Variants in FILIP1L observed in about 807,000 individuals in gnomAD.
The protein encoded by FILIP1L is filamin A-interacting protein 1-like.
Under a neutral mutation model 96.6 loss-of-function variants are expected in FILIP1L, and 55 were observed. The observed-to-expected ratio is 0.57, with a 90% CI of 0.46 to 0.71. FILIP1L has a LOEUF of 0.71. Among genes scored for constraint, FILIP1L ranks in the 30% least tolerant of loss-of-function variants. The pLI, the probability that FILIP1L is intolerant of heterozygous loss-of-function variation, is 0.00. For synonymous variants in FILIP1L, 467 were observed against 473.9 expected (o/e 0.99, Z 0.19); for missense variants, 1,304 against 1,321.2 (o/e 0.99, Z 0.20).
intron 1 of FILIP1L, among the ~76,000 whole-genome samples, chr3:100,036,085 C>T (rs977498628): frequency 1.3e-5 from 2 of 152,160 alleles, no homozygotes; most frequent in African/African-American, 4.8e-5. Context: ...CTATACATTG[C>T]ATAAACTTAA....
chr3:99,862,402 C>A (rs1391517718), intron 4 of FILIP1L, among the ~76,000 whole-genome samples: 1 of 152,154 alleles, frequency 6.6e-6, no homozygotes, highest in Non-Finnish European at 1.5e-5. Context: ...TTATTGCGAT[C>A]TATTTTAAGG....
At chr3:99,985,196 G>T (rs888113754) in intron 1 of FILIP1L, among the ~76,000 whole-genome samples, 2 of 152,148 alleles carry the variant, frequency 1.3e-5, no homozygotes, top group African/African-American at 2.4e-5. Flanking sequence ...TGTTTTAAAA[G>T]GTTGAGAAAA....
intron 1 of FILIP1L, among the ~76,000 whole-genome samples, chr3:100,108,043 A>G (rs183162392): frequency 6.6e-6 from 1 of 152,268 alleles, no homozygotes; most frequent in Non-Finnish European, 1.5e-5. Flanking sequence ...GAGGCATTTT[A>G]AATTCATACC....
At chr3:99,842,955 T>C (rs536407020) in intron 5 of FILIP1L, among the ~76,000 whole-genome samples, 2 of 152,332 alleles carry the variant, frequency 1.3e-5, no homozygotes, top group South Asian at 2.1e-4. Flanking sequence ...TGCTCTGATA[T>C]ATTGACTGCC....
intron 4 of FILIP1L, among the ~76,000 whole-genome samples, chr3:99,859,680 T>TAG (rs1228352954): frequency 1.3e-5 from 2 of 152,372 alleles, no homozygotes; most frequent in East Asian, 3.9e-4. Context: ...GCGTTGATAG[T>TAG]AGCTGTGTTC....
intron 1 of FILIP1L, among the ~76,000 whole-genome samples, chr3:100,104,044 G>T (rs1169196201): frequency 6.6e-6 from 1 of 152,120 alleles, no homozygotes; most frequent in African/African-American, 2.4e-5. Context: ...CACCAAATTG[G>T]GGCTTCTAGC....
chr3:99,896,680 T>C (rs900146919), intron 4 of FILIP1L, among the ~76,000 whole-genome samples: 1 of 152,234 alleles, frequency 6.6e-6, no homozygotes, highest in African/African-American at 2.4e-5. Flanking sequence ...TAAATTATAA[T>C]TCTACAATGA....
intron 4 of FILIP1L, among the ~76,000 whole-genome samples, chr3:99,855,746 T>G (rs1358254723): frequency 1.3e-5 from 2 of 152,240 alleles, no homozygotes; most frequent in Non-Finnish European, 2.9e-5. Context: ...TAAATGTTTG[T>G]TCTTATATCT....
chr3:99,854,176 G>A (rs74741071), intron 4 of FILIP1L, among the ~76,000 whole-genome samples: 5,892 of 152,260 alleles, frequency 0.039, 146 homozygotes, highest in Non-Finnish European at 0.062. Flanking sequence ...ATAGGGTGAG[G>A]AGGGTGTGGA....
rs374462158 is a variant in FILIP1L, at chr3:99,850,522, T to C, written c.1154A>G (p.Lys385Arg). 3.1e-6 allele frequency: 5 copies of C among 1,613,290 alleles called. No homozygotes were observed. The highest frequency in any genetic ancestry group is 2.5e-6 in the Non-Finnish European group (3 of 1,179,892). The change falls in exon 5 of 6, where the codon AAA becomes AGA. Residue 385 changes from lysine (K) to arginine (R), a missense_variant. Lys to Arg is a conservative substitution (Grantham distance 26, BLOSUM62 2). Transcript: ENST00000477258. ...LRKRVLDMEGKDEELIKMEEQ... is the reference protein window; with the variant it reads ...LRKRVLDMEGRDEELIKMEEQ... ...CTCCATTTTTATGAGCTCTTCATCT[T>C]TCCCTTCCATATCTAGCACACGTTT...
At chr3:99,939,968 GT>G in intron 1 of FILIP1L, among the ~76,000 whole-genome samples, 1 of 152,086 alleles carries the variant, frequency 6.6e-6, no homozygotes, top group Non-Finnish European at 1.5e-5. Context: ...TGTTTTCTAC[GT>G]GCTGCAGTCA....
rs1045752466 is a variant in FILIP1L at position 99,984,251 on chromosome 3, A to G, written c.-10-53221T>C. Among the ~76,000 whole-genome samples, 12 of 152,204 alleles carry G rather than the reference A, an allele frequency of 7.9e-5. No homozygotes were observed. In the East Asian group the frequency reaches 1.9e-3, roughly 24 times the overall value. ...AGTATAATTTTACTAGTAGCCATTC[A>G]TGTATTTATTATGTAGAGTGTCCTG... On this transcript the variant is annotated intron_variant, in intron 1 of 5. Coordinates refer to ENST00000477258, the MANE Select transcript of FILIP1L (RefSeq NM_001387850.1).
intron 4 of FILIP1L, among the ~76,000 whole-genome samples, chr3:99,922,058 C>T (rs951007323): frequency 3.9e-5 from 6 of 152,222 alleles, no homozygotes; most frequent in Non-Finnish European, 7.3e-5. Flanking sequence ...CACATTCCCA[C>T]CATAAATCTG....
intron 1 of FILIP1L, among the ~76,000 whole-genome samples, chr3:99,977,135 G>C: frequency 6.6e-6 from 1 of 152,186 alleles, no homozygotes; most frequent in East Asian, 1.9e-4. Context: ...TGTCATGGAG[G>C]GATGAAGCAA....
At chr3:100,019,458 T>TA (rs942309132) in intron 1 of FILIP1L, among the ~76,000 whole-genome samples, 4 of 152,220 alleles carry the variant, frequency 2.6e-5, no homozygotes, top group Non-Finnish European at 5.9e-5. Context: ...TGATGACATT[T>TA]AAAAAATAAT....
intron 1 of FILIP1L, among the ~76,000 whole-genome samples, chr3:100,022,999 G>A (rs1027056346): frequency 6.6e-6 from 1 of 152,074 alleles, no homozygotes; most frequent in South Asian, 2.1e-4. Context: ...TGACATTTTT[G>A]CCTGCTGTTA....
At chr3:100,035,151 T>G (rs2065085602) in intron 1 of FILIP1L, among the ~76,000 whole-genome samples, 1 of 152,328 alleles carries the variant, frequency 6.6e-6, no homozygotes, top group Middle Eastern at 3.4e-3. Flanking sequence ...CTTTCTAGGA[T>G]TATTAGCAAT....
intron 1 of FILIP1L, chr3:99,964,233 A>G (rs902227767): frequency 6.6e-6 from 1 of 152,012 alleles, no homozygotes; most frequent in Admixed American, 6.6e-5. Context: ...ATTTATCAAT[A>G]TTTATCTTGA....
chr3:99,849,624 A>G lies in FILIP1L; in HGVS notation c.2052T>C (p.Leu684=), dbSNP rs760091027. The part of the protein sequence containing the change: ...SKELEHVKME[L]AKYKLAEKTE... ...TCTTTTCTGCTAACTTGTACTTAGC[A>G]AGTTCCATTTTAACATGTTCTAGCT... Residue 684 remains leucine (L), a synonymous_variant, in exon 5 of 6, where the codon CTT becomes CTC. Transcript: ENST00000477258. 1.2e-6 allele frequency: 2 copies of G among 1,613,452 alleles called. No homozygotes were observed.
Sources: gnomAD v4.1 joint callset for allele counts (sites outside exome capture counted in the v4.1 genomes callset) on GRCh38, gnomAD v4.1.1 for gene constraint, MANE v1.5 for transcripts, NCBI Gene and HGNC (gene_info 2026-07-23, HGNC 2026-07-21) for gene names.